MAGI3: variants seen among roughly 807,000 people sequenced by gnomAD.
MAGI3 encodes membrane associated guanylate kinase, WW and PDZ domain containing 3, also known as membrane-associated guanylate kinase, WW and PDZ domain-containing protein 3.
In MAGI3, 43 loss-of-function variants were observed where a neutral mutation model predicts 121.8. The ratio of observed to expected loss-of-function variants is 0.35; its 90% confidence interval spans 0.28 to 0.46. MAGI3 has a LOEUF of 0.46. Among genes scored for constraint, MAGI3 ranks in the 20% least tolerant of loss-of-function variants. MAGI3 has a pLI of 1.00. For synonymous variants in MAGI3, 553 were observed against 639.3 expected (o/e 0.86, Z 2.04); for missense variants, 1,547 against 1,797.3 (o/e 0.86, Z 2.52).
chr1:113,663,007 A>G (rs1040850832), intron 16 of MAGI3, among the ~76,000 whole-genome samples: 3 of 152,068 alleles, frequency 2.0e-5, no homozygotes, highest in African/African-American at 4.8e-5. Context: ...AGGCGGATCA[A>G]CTGAGGTCGG....
At chr1:113,512,024 G>C (rs527591021) in intron 1 of MAGI3, among the ~76,000 whole-genome samples, 2 of 152,248 alleles carry the variant, frequency 1.3e-5, no homozygotes, top group South Asian at 4.1e-4. Context: ...TTTAAATGTA[G>C]AGGTCATTTA....
chr1:113,463,325 G>C (rs1263922671), intron 1 of MAGI3, among the ~76,000 whole-genome samples: 1 of 151,198 alleles, frequency 6.6e-6, no homozygotes, highest in Non-Finnish European at 1.5e-5. Flanking sequence ...AATGGAAAGA[G>C]AAGAGGGCCA....
chr1:113,584,506 A>G (rs551530135), intron 3 of MAGI3, among the ~76,000 whole-genome samples: 1 of 151,982 alleles, frequency 6.6e-6, no homozygotes, highest in East Asian at 1.9e-4. Flanking sequence ...GTCAGATAAA[A>G]TAATAGAATG....
At chr1:113,549,494 T>G (rs777423254) in intron 1 of MAGI3, 21 bp from the exon 2 acceptor site, 1 of 1,363,550 alleles carries the variant, frequency 7.3e-7, no homozygotes, top group Non-Finnish European at 1.0e-6. Flanking sequence ...TTTCTGTTTT[T>G]TTTTTTTGTC....
rs576077067 is a variant in MAGI3 at position 113,651,732 on chromosome 1, C to T, written c.2440+526C>T. Among the ~76,000 whole-genome samples the T allele has an allele frequency of 3.3e-5, 5 of 152,326 alleles. No homozygotes were observed. The South Asian group carries it at 1.0e-3, about 32-fold the overall frequency. On this transcript the variant is annotated intron_variant, in intron 14 of 20. Transcript: ENST00000307546. ...TCTCGAACTCTTGACCTCAAGTGAT[C>T]CACCTGTCTCAGACTCCCAAAGTGC... is the stretch of plus-strand genomic sequence containing the variant.
At chr1:113,476,716 G>T (rs955052648) in intron 1 of MAGI3, among the ~76,000 whole-genome samples, 2 of 152,178 alleles carry the variant, frequency 1.3e-5, no homozygotes, top group African/African-American at 4.8e-5. Context: ...GGGATGGAGA[G>T]TTCTGTAGAT....
At chr1:113,507,560 T>C (rs1657397674) in intron 1 of MAGI3, among the ~76,000 whole-genome samples, 5 of 152,188 alleles carry the variant, frequency 3.3e-5, no homozygotes, top group Non-Finnish European at 5.9e-5. Flanking sequence ...GAAAATTACC[T>C]TGCTTTTGAA....
rs57630418 is a variant in MAGI3 at position 113,602,185 on chromosome 1, C to T, written c.1018+7625C>T. On this transcript the variant is annotated intron_variant, in intron 6 of 20. Coordinates refer to ENST00000307546, the MANE Select transcript of MAGI3 (RefSeq NM_001142782.2). ...CATGTATACATATGTAACTAACCTG[C>T]ACATTGTGCACATGTACCCTAAAAC... 3.9e-5 allele frequency among the ~76,000 whole-genome samples: 6 copies of T among 152,050 alleles called. No individual in the cohort carries two copies. In the East Asian group the frequency reaches 1.2e-3, roughly 29 times the overall value.
chr1:113,478,426 C>A (rs1048175916), intron 1 of MAGI3, among the ~76,000 whole-genome samples: 3 of 151,770 alleles, frequency 2.0e-5, no homozygotes, highest in African/African-American at 7.3e-5. Flanking sequence ...TGTAGATGAC[C>A]TTTTTGTTGA....
At chr1:113,505,288 T>A (rs1657263408) in intron 1 of MAGI3, among the ~76,000 whole-genome samples, 1 of 152,104 alleles carries the variant, frequency 6.6e-6, no homozygotes, top group Non-Finnish European at 1.5e-5. Context: ...TCTATCTGTA[T>A]TTTTTGTCCT....
chr1:113,599,191 C>T (rs1649212419), intron 6 of MAGI3, among the ~76,000 whole-genome samples: 2 of 152,046 alleles, frequency 1.3e-5, no homozygotes, highest in East Asian at 1.9e-4. Flanking sequence ...CATTCAAAAG[C>T]TAGCAGAAGG....
intron 1 of MAGI3, among the ~76,000 whole-genome samples, chr1:113,443,869 A>C (rs1654035873): frequency 1.3e-5 from 2 of 152,176 alleles, no homozygotes; most frequent in Non-Finnish European, 2.9e-5. Flanking sequence ...GGTAAAATTT[A>C]CCCTTTTATA....
In MAGI3 at chr1:113,542,902, A is replaced by G. The variant is rs190440936; in HGVS notation, c.317-6613A>G. On this transcript the variant is annotated intron_variant, in intron 1 of 20. Coordinates refer to ENST00000307546, the MANE Select transcript of MAGI3 (RefSeq NM_001142782.2). Reference sequence around the variant, plus strand: ...TGTTCACATCCCAGGTCTGTCACTTACTAGCAGTGTAACCTTGGCCAAGTT... The same window carrying G: ...TGTTCACATCCCAGGTCTGTCACTTGCTAGCAGTGTAACCTTGGCCAAGTT... Among the ~76,000 whole-genome samples the G allele has an allele frequency of 4.2e-3, 633 of 152,312 alleles. 5 individuals carry two copies. The highest frequency in any genetic ancestry group is 0.014 in the African/African-American group (594 of 41,556).
chr1:113,521,420 G>GT (rs1658193256), intron 1 of MAGI3, among the ~76,000 whole-genome samples: 4 of 133,312 alleles, frequency 3.0e-5, no homozygotes, highest in East Asian at 3.7e-4. Flanking sequence ...TTTGTTTTTT[G>GT]TTTTTAAGAT....
At chr1:113,674,764 C>A (rs1286286523) in intron 19 of MAGI3, among the ~76,000 whole-genome samples, 1 of 152,116 alleles carries the variant, frequency 6.6e-6, no homozygotes, top group Non-Finnish European at 1.5e-5. Context: ...AAGCTTTATG[C>A]ATGCTACTGA....
At chr1:113,655,943 A>C (rs1418885684) in intron 15 of MAGI3, among the ~76,000 whole-genome samples, 1 of 152,184 alleles carries the variant, frequency 6.6e-6, no homozygotes, top group Non-Finnish European at 1.5e-5. Flanking sequence ...ACCGTCTCTT[A>C]ACTTTTCTTT....
chr1:113,659,779 C>T (rs1245503892), intron 16 of MAGI3, among the ~76,000 whole-genome samples: 3 of 152,122 alleles, frequency 2.0e-5, no homozygotes, highest in South Asian at 2.1e-4. Flanking sequence ...TACTGGCAGC[C>T]GTGGAGTCTC....
chr1:113,651,672 G>T (rs1297702281), intron 14 of MAGI3, among the ~76,000 whole-genome samples: 1 of 152,200 alleles, frequency 6.6e-6, no homozygotes, highest in Non-Finnish European at 1.5e-5. Flanking sequence ...TGTATTTTTA[G>T]TAGAGACGGG....
intron 1 of MAGI3, among the ~76,000 whole-genome samples, chr1:113,396,344 G>A (rs1002459816): frequency 2.7e-5 from 4 of 150,488 alleles, no homozygotes; most frequent in African/African-American, 9.8e-5. Flanking sequence ...AAGTGTTTTG[G>A]TATTGAAGAC....
Sources: gnomAD v4.1 joint callset for allele counts (sites outside exome capture counted in the v4.1 genomes callset) on GRCh38, gnomAD v4.1.1 for gene constraint, MANE v1.5 for transcripts, NCBI Gene and HGNC (gene_info 2026-07-23, HGNC 2026-07-21) for gene names.